Variants in DPP6 observed in about 807,000 individuals in gnomAD.
DPP6 encodes A-type potassium channel modulatory protein DPP6.
Under a neutral mutation model 122.6 loss-of-function variants are expected in DPP6, and 69 were observed. The observed-to-expected ratio is 0.56, with a 90% CI of 0.46 to 0.69. The LOEUF is 0.69. Ranked by LOEUF, DPP6 falls within the 30% of genes least tolerant of loss-of-function variation. DPP6 has a pLI of 0.00. For synonymous variants in DPP6, 418 were observed against 433.1 expected, an observed-to-expected ratio of 0.97 and a Z score of 0.43; for missense variants, 928 against 1,116.9, an observed-to-expected ratio of 0.83 and a Z score of 2.41.
intron 4 of DPP6, among the ~76,000 whole-genome samples, chr7:154,564,258 G>A (rs938175724): frequency 1.3e-5 from 2 of 152,156 alleles, no homozygotes; most frequent in African/African-American, 4.8e-5. Context: ...GAATGAATAG[G>A]AGGAGAAAAA....
At chr7:154,232,935 C>T (rs1342482856) in intron 1 of DPP6, among the ~76,000 whole-genome samples, 1 of 152,190 alleles carries the variant, frequency 6.6e-6, no homozygotes, top group Non-Finnish European at 1.5e-5. Context: ...CTAAAGTCTG[C>T]AAGGAGGTTC....
intron 3 of DPP6, among the ~76,000 whole-genome samples, chr7:154,496,456 A>G (rs1472668532): frequency 6.6e-6 from 1 of 152,204 alleles, no homozygotes; most frequent in Admixed American, 6.5e-5. Context: ...CAAGTGTCAT[A>G]TATTTATCCC....
At chr7:153,925,717 C>A (rs1800866397) in intron 1 of DPP6, among the ~76,000 whole-genome samples, 1 of 152,152 alleles carries the variant, frequency 6.6e-6, no homozygotes, top group African/African-American at 2.4e-5. Flanking sequence ...TAGAGGGTCC[C>A]CAAGGTTTGG....
chr7:154,311,267 A>G (rs949232568), intron 1 of DPP6, among the ~76,000 whole-genome samples: 1 of 152,114 alleles, frequency 6.6e-6, no homozygotes, highest in African/African-American at 2.4e-5. Context: ...CCGACGAGAG[A>G]GGATTGCTTG....
Position 153,933,745 on chromosome 7 carries a change from G to A in DPP6, c.51+46011G>A, listed in dbSNP as rs546961745. ...TGCATAGAAACACACACCACAGGTC[G>A]TCTCCCCTTCCCTTTTAGTTCCCCC... is the stretch of plus-strand genomic sequence containing the variant. On this transcript the variant is annotated intron_variant, in intron 1 of 25. Coordinates refer to the DPP6 transcript ENST00000404039. Among the ~76,000 whole-genome samples, 6 of 151,580 alleles carry A rather than the reference G, an allele frequency of 4.0e-5. No homozygotes were observed. In the East Asian group the frequency reaches 5.8e-4, roughly 15 times the overall value.
the DPP6 span, among the ~76,000 whole-genome samples, chr7:153,784,444 A>G: frequency 6.6e-6 from 1 of 152,228 alleles, no homozygotes; most frequent in South Asian, 2.1e-4. Flanking sequence ...AATAATTTAT[A>G]TCATTGCAAA....
At chr7:154,771,264 A>C (rs2150380933) in intron 9 of DPP6, among the ~76,000 whole-genome samples, 1 of 143,278 alleles carries the variant, frequency 7.0e-6, no homozygotes, top group East Asian at 1.9e-4. Flanking sequence ...ATGAAATAAC[A>C]CAGACCTAGG....
At chr7:153,949,304 C>T (rs532770435) in intron 1 of DPP6, among the ~76,000 whole-genome samples, 274 of 152,314 alleles carry the variant, frequency 1.8e-3, no homozygotes, top group Middle Eastern at 6.8e-3. Flanking sequence ...CCCCGTGGCC[C>T]CTTGTCCCTG....
chr7:154,513,544 G>C (rs943153260), intron 3 of DPP6, among the ~76,000 whole-genome samples: 4 of 152,110 alleles, frequency 2.6e-5, no homozygotes, highest in Non-Finnish European at 5.9e-5. Flanking sequence ...TGTAAGTGTG[G>C]ATTGACCCAA....
intron 1 of DPP6, among the ~76,000 whole-genome samples, chr7:153,952,400 C>A (rs993638125): frequency 3.3e-5 from 5 of 152,238 alleles, no homozygotes; most frequent in Admixed American, 2.0e-4. Context: ...GCTGCTGATA[C>A]ATCACTTATA....
intron 1 of DPP6, among the ~76,000 whole-genome samples, chr7:153,962,133 C>T (rs544651796): frequency 1.3e-5 from 2 of 151,690 alleles, no homozygotes; most frequent in Non-Finnish European, 2.9e-5. Context: ...ATGAATGCTT[C>T]TCCAGAAGAC....
At chr7:154,303,385 A>G (rs542886285) in intron 1 of DPP6, among the ~76,000 whole-genome samples, 2 of 152,166 alleles carry the variant, frequency 1.3e-5, no homozygotes, top group Admixed American at 1.3e-4. Flanking sequence ...CCTCCATGAC[A>G]GGTTTGCTTG....
the DPP6 span, among the ~76,000 whole-genome samples, chr7:153,776,002 TTA>T: frequency 3.3e-5 from 5 of 152,166 alleles, no homozygotes; most frequent in Non-Finnish European, 5.9e-5. Flanking sequence ...ATCCCCAACG[TTA>T]TATGTTTCTT....
At position 154,352,839 on chromosome 7, in the gene DPP6, AT is replaced by A. The variant is rs200505737; in HGVS notation, c.244-93366del. ...CACATGGATCCCAGAACTTCAGTAA[AT>A]TTTTTTTTAGATGCAGATGTTTATG... is the stretch of plus-strand genomic sequence containing the variant. On this transcript the variant is annotated intron_variant, in intron 1 of 25. Transcript: ENST00000377770. 4.3e-3 allele frequency among the ~76,000 whole-genome samples: 659 copies of A among 151,878 alleles called. 5 individuals carry two copies. Among genetic ancestry groups the A allele is most frequent in the African/African-American group, 0.015 (617 of 41,428 alleles).
Position 154,221,955 on chromosome 7 carries a change from G to GA in DPP6, c.243+168902dup, listed in dbSNP as rs900088739. 2.9e-4 allele frequency among the ~76,000 whole-genome samples: 43 copies of GA among 148,714 alleles called. No individual in the cohort carries two copies. In the East Asian group the frequency reaches 4.5e-3, roughly 16 times the overall value. On this transcript the variant is annotated intron_variant, in intron 1 of 25. Transcript: ENST00000377770. ...ATTTAATTTTCTCTAGATGAGTGAG[G>GA]AAAAAAAAAATGAAGACTCCTTACT... is the stretch of plus-strand genomic sequence containing the variant.
chr7:154,598,321 A>G lies in DPP6; in HGVS notation c.627+31405A>G, dbSNP rs1563913972. On this transcript the variant is annotated intron_variant, in intron 5 of 25. Coordinates refer to ENST00000377770, the MANE Select transcript of DPP6 (RefSeq NM_130797.4). ...AAAACCGTTTTGGAAGGTAAAAAAG[A>G]CAATTACTGTTTGAAACAGTCTAAC... 1.3e-5 allele frequency among the ~76,000 whole-genome samples: 2 copies of G among 152,238 alleles called. 1 individual carries two copies. Among genetic ancestry groups the G allele is most frequent in the South Asian group, 4.1e-4 (2 of 4,834 alleles).
intron 17 of DPP6, among the ~76,000 whole-genome samples, chr7:154,861,155 GC>G (rs970653165): frequency 2.0e-5 from 3 of 152,146 alleles, no homozygotes; most frequent in African/African-American, 7.2e-5. Flanking sequence ...TTATAAAGTG[GC>G]CTTTATGTGA....
At chr7:154,408,742 C>T (rs1040190237) in intron 1 of DPP6, among the ~76,000 whole-genome samples, 5 of 151,574 alleles carry the variant, frequency 3.3e-5, no homozygotes, top group African/African-American at 9.7e-5. Flanking sequence ...CTCCTCTGGT[C>T]TATGACAGTT....
At chr7:154,175,592 A>AGTG (rs966885052) in intron 1 of DPP6, among the ~76,000 whole-genome samples, 3 of 152,180 alleles carry the variant, frequency 2.0e-5, no homozygotes, top group Non-Finnish European at 4.4e-5. Context: ...ATAGAACTAT[A>AGTG]GTGGGTGTTG....
Sources: gnomAD v4.1 joint callset for allele counts (sites outside exome capture counted in the v4.1 genomes callset) on GRCh38, gnomAD v4.1.1 for gene constraint, MANE v1.5 for transcripts, NCBI Gene and HGNC (gene_info 2026-07-23, HGNC 2026-07-21) for gene names.